IQGAP2: variants seen among roughly 807,000 people sequenced by gnomAD.
The protein encoded by IQGAP2 is ras GTPase-activating-like protein IQGAP2.
A neutral mutation model predicts 201.3 loss-of-function variants in IQGAP2; 173 were observed. The observed-to-expected ratio is 0.86, with a 90% CI of 0.76 to 0.98. IQGAP2 has a LOEUF of 0.98. IQGAP2 is among the 50% of genes least tolerant of loss of function. The pLI, the probability that IQGAP2 is intolerant of heterozygous loss-of-function variation, is 0.00. For synonymous variants in IQGAP2, 675 were observed against 673.9 expected (o/e 1.00, Z -0.03); for missense variants, 1,687 against 1,864.8 (o/e 0.90, Z 1.76).
Position 76,479,950 on chromosome 5 carries a change from G to A in IQGAP2, c.146+18281G>A, listed in dbSNP as rs193112300. The stretch of plus-strand genomic sequence containing the variant: ...GATGGAGTATTATTTTCTTACTCCT[G>A]ATGTGTCTCCCAGGCTGGATGATGA... On this transcript the variant is annotated intron_variant, in intron 2 of 35. Transcript: ENST00000274364. Among the ~76,000 whole-genome samples the A allele has an allele frequency of 2.6e-5, 4 of 152,238 alleles. No homozygotes were observed. In the East Asian group the frequency reaches 7.7e-4, roughly 29 times the overall value.
intron 14 of IQGAP2, chr5:76,628,600 C>G: frequency 2.5e-6 from 1 of 397,054 alleles, no homozygotes; most frequent in South Asian, 1.8e-5. Context: ...ATTTCACTAA[C>G]CTGCCAACTG....
At chr5:76,437,225 A>G (rs565586273) in intron 1 of IQGAP2, among the ~76,000 whole-genome samples, 13 of 151,072 alleles carry the variant, frequency 8.6e-5, no homozygotes, top group Non-Finnish European at 1.8e-4. Flanking sequence ...CTAATTTTTT[A>G]TATTTTTAGT....
At chr5:76,468,022 A>G (rs1350804831) in intron 2 of IQGAP2, among the ~76,000 whole-genome samples, 2 of 152,162 alleles carry the variant, frequency 1.3e-5, no homozygotes, top group Admixed American at 6.6e-5. Context: ...AAATATTCTA[A>G]AATTGATTGT....
chr5:76,482,002 A>G (rs1755819569), intron 2 of IQGAP2, among the ~76,000 whole-genome samples: 1 of 152,228 alleles, frequency 6.6e-6, no homozygotes, highest in Non-Finnish European at 1.5e-5. Context: ...TTTACCAATG[A>G]GGTGCACTTA....
intron 2 of IQGAP2, among the ~76,000 whole-genome samples, chr5:76,559,810 G>A (rs1744231718): frequency 6.6e-6 from 1 of 152,148 alleles, no homozygotes; most frequent in South Asian, 2.1e-4. Flanking sequence ...CCAAAGATGT[G>A]CATGTTAGGT....
At chr5:76,679,546 A>C (rs926570755) in intron 28 of IQGAP2, among the ~76,000 whole-genome samples, 1 of 152,234 alleles carries the variant, frequency 6.6e-6, no homozygotes, top group African/African-American at 2.4e-5. Flanking sequence ...GGAAGATGCA[A>C]GAACTTCCAA....
chr5:76,604,214 G>A (rs1399452611), intron 11 of IQGAP2, among the ~76,000 whole-genome samples: 10 of 152,004 alleles, frequency 6.6e-5, no homozygotes, highest in Admixed American at 6.6e-4. Flanking sequence ...TCCTACTTAT[G>A]AGTGGGAACA....
At chr5:76,537,205 T>C (rs1759676457) in intron 2 of IQGAP2, among the ~76,000 whole-genome samples, 2 of 152,264 alleles carry the variant, frequency 1.3e-5, no homozygotes, top group South Asian at 4.1e-4. Context: ...CCAATGGAAG[T>C]TGACTTTGAG....
chr5:76,407,981 A>G lies in IQGAP2; in HGVS notation c.46+4390A>G, dbSNP rs193226398. Among the ~76,000 whole-genome samples the G allele has an allele frequency of 2.2e-4, 34 of 152,270 alleles. 1 individual carries two copies. In the East Asian group the frequency reaches 6.2e-3, roughly 28 times the overall value. On this transcript the variant is annotated intron_variant, in intron 1 of 35. Transcript: ENST00000274364. ...CCTTGTCTCTACTAAAAATACAAAA[A>G]TTAGCCTGGTGTGGTAGTGCATGCC...
intron 15 of IQGAP2, among the ~76,000 whole-genome samples, chr5:76,636,033 CAG>C (rs1022413622): frequency 1.3e-5 from 2 of 152,180 alleles, no homozygotes; most frequent in African/African-American, 4.8e-5. Flanking sequence ...CATTGACAAA[CAG>C]AAAGAACAGG....
At chr5:76,584,130 C>T in intron 5 of IQGAP2, among the ~76,000 whole-genome samples, 1 of 152,042 alleles carries the variant, frequency 6.6e-6, no homozygotes, top group Non-Finnish European at 1.5e-5. Context: ...CCTTGGCCTC[C>T]CAAAGTGCTG....
chr5:76,472,982 C>T (rs749564038), intron 2 of IQGAP2, among the ~76,000 whole-genome samples: 7 of 152,190 alleles, frequency 4.6e-5, no homozygotes, highest in Non-Finnish European at 8.8e-5. Flanking sequence ...CACAACCACT[C>T]TGTGGGAAGG....
At chr5:76,430,531 C>T (rs368473898) in intron 1 of IQGAP2, among the ~76,000 whole-genome samples, 3 of 152,170 alleles carry the variant, frequency 2.0e-5, no homozygotes, top group African/African-American at 7.2e-5. Context: ...CAAGAGACCA[C>T]GTGGAAGCTG....
At chr5:76,495,166 A>G (rs975725171) in intron 2 of IQGAP2, among the ~76,000 whole-genome samples, 3 of 152,368 alleles carry the variant, frequency 2.0e-5, no homozygotes, top group East Asian at 1.9e-4. Context: ...CAATATATCT[A>G]TGTTATAAAA....
At chr5:76,494,843 A>G (rs1388106651) in intron 2 of IQGAP2, among the ~76,000 whole-genome samples, 1 of 152,218 alleles carries the variant, frequency 6.6e-6, no homozygotes, top group African/African-American at 2.4e-5. Context: ...GAGAACGTCG[A>G]CATGTGCAAA....
chr5:76,445,566 C>G (rs1054172749), intron 1 of IQGAP2, among the ~76,000 whole-genome samples: 1 of 150,286 alleles, frequency 6.7e-6, no homozygotes, highest in African/African-American at 2.4e-5. Context: ...CTGGGTTCAA[C>G]TGATTCTTCT....
chr5:76,699,609 CTCTCTCTCT>C (rs1747092327), intron 33 of IQGAP2: 1 of 12,652 alleles, frequency 7.9e-5, no homozygotes, highest in Non-Finnish European at 1.7e-4. Flanking sequence ...CTCTGTTTCT[CTCTCTCTCT>C]CTCTCTCTCT....
chr5:76,592,994 A>G (rs1746765665), intron 9 of IQGAP2, 69 bp downstream of exon 9: 1 of 1,034,770 alleles, frequency 9.7e-7, no homozygotes, highest in Non-Finnish European at 1.5e-6. Flanking sequence ...CCAGAATCCC[A>G]ACACAACTCT....
chr5:76,635,637 G>C (rs1006508354), intron 15 of IQGAP2, among the ~76,000 whole-genome samples: 1 of 152,238 alleles, frequency 6.6e-6, no homozygotes, highest in African/African-American at 2.4e-5. Flanking sequence ...GACCCCAGGA[G>C]TTTGAAAACA....
Sources: gnomAD v4.1 joint callset for allele counts (sites outside exome capture counted in the v4.1 genomes callset) on GRCh38, gnomAD v4.1.1 for gene constraint, MANE v1.5 for transcripts, NCBI Gene and HGNC (gene_info 2026-07-23, HGNC 2026-07-21) for gene names.